RSPO2: variants seen among roughly 807,000 people sequenced by gnomAD.
The protein encoded by RSPO2 is R-spondin-2.
Under a neutral mutation model 30.9 loss-of-function variants are expected in RSPO2, and 14 were observed. That is an observed-to-expected ratio of 0.45 (90% CI 0.30 to 0.71). The LOEUF is 0.71. RSPO2 is among the 30% of genes least tolerant of loss of function. The pLI is 0.08. For missense variants in RSPO2, 264 were observed against 301.9 expected (o/e 0.87, Z 0.93); for synonymous variants, 107 against 96.4 (o/e 1.11, Z -0.64).
intron 5 of RSPO2, among the ~76,000 whole-genome samples, chr8:107,944,813 A>T (rs1015829384): frequency 6.6e-6 from 1 of 152,216 alleles, no homozygotes; most frequent in Non-Finnish European, 1.5e-5. Context: ...ATAGGAAGAC[A>T]TGCTCTTTTT....
chr8:107,995,763 A>G (rs1307807121), intron 2 of RSPO2, among the ~76,000 whole-genome samples: 1 of 152,006 alleles, frequency 6.6e-6, no homozygotes, highest in Non-Finnish European at 1.5e-5. Flanking sequence ...TGTCATTTCC[A>G]TGAATCTTCT....
chr8:107,917,674 A>G (rs1812022801), intron 5 of RSPO2, among the ~76,000 whole-genome samples: 1 of 152,182 alleles, frequency 6.6e-6, no homozygotes, highest in Non-Finnish European at 1.5e-5. Context: ...AAAGTCATAC[A>G]GGAAGCATTG....
intron 5 of RSPO2, among the ~76,000 whole-genome samples, chr8:107,944,816 CTCT>C (rs1204437182): frequency 1.3e-5 from 2 of 152,112 alleles, no homozygotes; most frequent in African/African-American, 4.8e-5. Context: ...GGAAGACATG[CTCT>C]TTTTACTCAT....
intron 2 of RSPO2, among the ~76,000 whole-genome samples, chr8:108,016,914 G>A (rs748004121): frequency 1.1e-4 from 17 of 151,926 alleles, no homozygotes; most frequent in Non-Finnish European, 2.2e-4. Context: ...CTGAGCAGAT[G>A]CCAGCACCAT....
At chr8:107,932,801 T>C (rs1294144697) in intron 5 of RSPO2, among the ~76,000 whole-genome samples, 1 of 150,756 alleles carries the variant, frequency 6.6e-6, no homozygotes, top group Non-Finnish European at 1.5e-5. Flanking sequence ...CTGTGCCAAA[T>C]GAGAGAGAGA....
At chr8:107,922,373 C>T (rs942688678) in intron 5 of RSPO2, among the ~76,000 whole-genome samples, 4 of 152,102 alleles carry the variant, frequency 2.6e-5, no homozygotes, top group African/African-American at 9.6e-5. Context: ...AATAAAATAT[C>T]TAGGAATACA....
chr8:107,993,245 C>T (rs1162862001), intron 2 of RSPO2, among the ~76,000 whole-genome samples: 4 of 152,102 alleles, frequency 2.6e-5, no homozygotes, highest in Admixed American at 6.6e-5. Context: ...AAAACAATAA[C>T]AGAATCTATA....
intron 5 of RSPO2, among the ~76,000 whole-genome samples, chr8:107,935,899 A>G (rs1812709813): frequency 3.9e-5 from 6 of 152,294 alleles, no homozygotes; most frequent in Middle Eastern, 3.4e-3. Flanking sequence ...GTAATGATCA[A>G]TTCAGGGTAT....
At chr8:108,024,071 T>C (rs544481085) in intron 2 of RSPO2, among the ~76,000 whole-genome samples, 1 of 152,168 alleles carries the variant, frequency 6.6e-6, no homozygotes, top group South Asian at 2.1e-4. Context: ...TATTTAAAAG[T>C]AGGGGAATTT....
chr8:108,059,817 A>G (rs1322460324), intron 2 of RSPO2, among the ~76,000 whole-genome samples: 1 of 137,514 alleles, frequency 7.3e-6, no homozygotes, highest in African/African-American at 2.8e-5. Flanking sequence ...ACACATGGAC[A>G]CAGGAAGGGG....
intron 2 of RSPO2, among the ~76,000 whole-genome samples, chr8:107,995,826 C>A (rs1815000755): frequency 6.6e-6 from 1 of 152,122 alleles, no homozygotes; most frequent in Admixed American, 6.6e-5. Context: ...AGTCCCAACC[C>A]TAGACCTACC....
chr8:107,904,176 G>C (rs1438275201), intron 5 of RSPO2, among the ~76,000 whole-genome samples: 1 of 151,946 alleles, frequency 6.6e-6, no homozygotes, highest in African/African-American at 2.4e-5. Flanking sequence ...TGCGGGATTA[G>C]ACTTGGAGAA....
chr8:108,035,628 G>A (rs1441137160), intron 2 of RSPO2, among the ~76,000 whole-genome samples: 1 of 152,006 alleles, frequency 6.6e-6, no homozygotes, highest in Admixed American at 6.6e-5. Context: ...CCGCCACCAT[G>A]CCCGGCTAAT....
intron 5 of RSPO2, among the ~76,000 whole-genome samples, chr8:107,954,938 C>A (rs1170206330): frequency 6.6e-6 from 1 of 152,218 alleles, no homozygotes; most frequent in African/African-American, 2.4e-5. Context: ...TTTATGCACC[C>A]TTTTCTCTTC....
intron 2 of RSPO2, among the ~76,000 whole-genome samples, chr8:108,058,429 T>C (rs538721152): frequency 6.6e-6 from 1 of 152,286 alleles, no homozygotes; most frequent in East Asian, 1.9e-4. Context: ...CTGCCCAAGG[T>C]AATTTATAGA....
chr8:108,056,297 G>GCAACAA (rs368116499), intron 2 of RSPO2, among the ~76,000 whole-genome samples: 3 of 151,970 alleles, frequency 2.0e-5, no homozygotes, highest in Admixed American at 6.6e-5. Flanking sequence ...CTTTAAAAAG[G>GCAACAA]CAACAACAAC....
At chr8:108,002,672 AT>A (rs1399139702) in intron 2 of RSPO2, among the ~76,000 whole-genome samples, 1 of 152,180 alleles carries the variant, frequency 6.6e-6, no homozygotes. Context: ...AACAAACTAG[AT>A]GACTTATTTG....
At chr8:108,047,864 A>T (rs1479489829) in intron 2 of RSPO2, among the ~76,000 whole-genome samples, 1 of 151,912 alleles carries the variant, frequency 6.6e-6, no homozygotes, top group East Asian at 1.9e-4. Flanking sequence ...GAGAAAAAAA[A>T]AAAAAAGCAG....
chr8:107,963,935 T>C (rs1210718599), intron 3 of RSPO2, among the ~76,000 whole-genome samples: 1 of 152,218 alleles, frequency 6.6e-6, no homozygotes, highest in Non-Finnish European at 1.5e-5. Flanking sequence ...AACATACACC[T>C]TCATTTAGCC....
Sources: allele counts gnomAD v4.1 joint callset (sites outside exome capture counted in the v4.1 genomes callset), GRCh38; gene constraint gnomAD v4.1.1; transcripts MANE v1.5; gene names NCBI Gene and HGNC (gene_info 2026-07-23, HGNC 2026-07-21).